The following UBR3 variants were observed in gnomAD, a reference collection of about 807,000 sequenced individuals.
UBR3 encodes ubiquitin protein ligase E3 component n-recognin 3.
Under a neutral mutation model 243.2 loss-of-function variants are expected in UBR3, and 85 were observed. The ratio of observed to expected loss-of-function variants is 0.35; its 90% CI spans 0.29 to 0.42. UBR3 has a LOEUF of 0.42. Ranked by LOEUF, UBR3 falls within the 10% of genes least tolerant of loss-of-function variation. UBR3 has a pLI of 1.00. For missense variants in UBR3, 1,686 were observed against 2,300.8 expected, an observed-to-expected ratio of 0.73 and a Z score of 5.47; for synonymous variants, 748 against 799.8, an observed-to-expected ratio of 0.94 and a Z score of 1.09.
chr2:169,881,233 G>T (rs1388432352), intron 5 of UBR3, among the ~76,000 whole-genome samples: 1 of 151,968 alleles, frequency 6.6e-6, no homozygotes, highest in African/African-American at 2.4e-5. Flanking sequence ...AGGCTGGAGT[G>T]CAGTGGCATG....
intron 11 of UBR3, among the ~76,000 whole-genome samples, chr2:169,922,179 A>C (rs1042114457): frequency 6.6e-6 from 1 of 151,350 alleles, no homozygotes; most frequent in Admixed American, 6.6e-5. Context: ...CCAGCTGCTC[A>C]GGGGGCCGAG....
intron 1 of UBR3, among the ~76,000 whole-genome samples, chr2:169,842,670 G>C (rs1222065952): frequency 6.6e-6 from 1 of 152,032 alleles, no homozygotes; most frequent in African/African-American, 2.4e-5. Context: ...TCACCGTGAA[G>C]GTCTGTAGCT....
At chr2:170,012,163 A>T (rs2090102908) in intron 29 of UBR3, among the ~76,000 whole-genome samples, 1 of 152,170 alleles carries the variant, frequency 6.6e-6, no homozygotes, top group Non-Finnish European at 1.5e-5. Flanking sequence ...ACGCTTGCTA[A>T]ATACCAAATT....
chr2:169,999,887 G>T (rs1389934601), intron 26 of UBR3, among the ~76,000 whole-genome samples: 1 of 152,184 alleles, frequency 6.6e-6, no homozygotes, highest in Non-Finnish European at 1.5e-5. Flanking sequence ...ACTTTGGGAG[G>T]CCGAGACGGG....
At chr2:170,061,022 A>T (rs2091445918) in intron 33 of UBR3, 57 bp from the exon 34 acceptor site, 1 of 1,151,356 alleles carries the variant, frequency 8.7e-7, no homozygotes, top group African/African-American at 1.6e-5. Flanking sequence ...ATTATTTCCA[A>T]TGTAAATTTT....
chr2:169,883,315 A>G (rs981803351), intron 5 of UBR3, among the ~76,000 whole-genome samples: 3 of 152,282 alleles, frequency 2.0e-5, no homozygotes, highest in South Asian at 4.2e-4. Flanking sequence ...TGGTTTCTCC[A>G]GCATGGTGGT....
At position 169,895,243 on chromosome 2, in the gene UBR3, A is replaced by G. The variant is rs763352667; in HGVS notation, c.1168A>G (p.Ile390Val). The G allele has an allele frequency of 6.5e-7, 1 of 1,546,320 alleles. No homozygotes were observed. Among genetic ancestry groups the G allele is most frequent in the African/African-American group, 1.4e-5 (1 of 72,668 alleles). Residue 390 changes from isoleucine to valine, a missense_variant, in exon 7 of 39, where the codon ATA becomes GTA. Around this residue, in one of 8 missense-constraint regions of UBR3, gnomAD observed 200 missense variants for 231.6 expected, o/e 0.86. Transcript: ENST00000272793. Reference sequence around the variant, plus strand: ...CCTAGAAGAACTATTATTTTGGACTATAAAATATGAATTCCCTCAAAAGAT... The same window carrying G: ...CCTAGAAGAACTATTATTTTGGACTGTAAAATATGAATTCCCTCAAAAGAT... ...SFLEELLFWTIKYEFPQKMVT... is the reference protein window; with the variant it reads ...SFLEELLFWTVKYEFPQKMVT...
rs2081782381 is a variant in UBR3, at chr2:169,827,593, C to T, written c.86C>T (p.Ala29Val). ...GCGCCGGGGCTGGCCCTAGACAAGG[C>T]GGCCACCGCCGCGCACCTCAAGGCG... ...LPAPGLALDKAATAAHLKAAL... is the reference protein window; with the variant it reads ...LPAPGLALDKVATAAHLKAAL... The change falls in exon 1 of 39, where the codon GCG becomes GTG. Residue 29 changes from alanine (A) to valine (V), a missense_variant. By Grantham distance (64) the Ala-to-Val change is moderately conservative. Transcript: ENST00000272793. 1 of 1,253,064 alleles carries T rather than the reference C, an allele frequency of 8.0e-7. No individual in the cohort carries two copies. Among genetic ancestry groups the T allele is most frequent in the Admixed American group, 3.9e-5 (1 of 25,480 alleles). The allele number at this position is 1,253,064 out of a possible 1,614,324, so 77.6% of individuals were successfully genotyped here. A position where few individuals can be genotyped will look rare whatever the true frequency, so the allele number is the denominator to read the frequency against.
chr2:170,026,943 C>CT (rs1453596992), intron 30 of UBR3, among the ~76,000 whole-genome samples: 1 of 151,748 alleles, frequency 6.6e-6, no homozygotes, highest in Non-Finnish European at 1.5e-5. Flanking sequence ...ACTGATAAGA[C>CT]TAAACTTTCA....
chr2:169,953,902 A>G (rs1393859967), intron 23 of UBR3, among the ~76,000 whole-genome samples: 1 of 152,222 alleles, frequency 6.6e-6, no homozygotes, highest in Non-Finnish European at 1.5e-5. Flanking sequence ...GTTGTTGCTC[A>G]TAGCATTTTT....
At chr2:169,852,733 C>T (rs1223283634) in intron 1 of UBR3, among the ~76,000 whole-genome samples, 3 of 150,346 alleles carry the variant, frequency 2.0e-5, no homozygotes, top group South Asian at 2.1e-4. Context: ...TGCCTGTAAT[C>T]CCAGCTATTC....
chr2:169,890,542 T>TATATATATATATATAC lies in UBR3; in HGVS notation c.1039-608_1039-607insCATATATATATATATA, dbSNP rs2084300024. On this transcript the variant is annotated intron_variant, in intron 5 of 38. Coordinates refer to ENST00000272793, the MANE Select transcript of UBR3 (RefSeq NM_172070.4). ...TTTTTCTAGGAGAGAGAGAGAGAGA[T>TATATATATATATATAC]ATATATATATATATATATATATGTG... Among the ~76,000 whole-genome samples, 464 of 61,926 alleles carry TATATATATATATATAC rather than the reference T, an allele frequency of 7.5e-3. 22 individuals carry two copies. The highest frequency in any genetic ancestry group is 0.03 in the African/African-American group (440 of 14,696). 40.6% of individuals were successfully genotyped at this position (61,926 alleles called of 152,430 possible).
chr2:169,971,773 A>G (rs1173845564), intron 24 of UBR3, among the ~76,000 whole-genome samples: 1 of 152,174 alleles, frequency 6.6e-6, no homozygotes, highest in East Asian at 1.9e-4. Flanking sequence ...CAGTGTGTAG[A>G]GGGAAATTTA....
intron 11 of UBR3, 24 bp from the exon 12 acceptor site, chr2:169,923,905 G>C (rs151124891): frequency 1.2e-5 from 19 of 1,523,334 alleles, no homozygotes; most frequent in Middle Eastern, 3.4e-4. Context: ...TCTTTGACTT[G>C]TGCATTTTGT....
At position 169,981,970 on chromosome 2, in the gene UBR3, C is replaced by A. The variant is rs534707727; in HGVS notation, c.3635-4675C>A. 3.9e-5 allele frequency among the ~76,000 whole-genome samples: 6 copies of A among 152,198 alleles called. No individual in the cohort carries two copies. In the East Asian group the frequency reaches 1.2e-3, roughly 29 times the overall value. Reference sequence around the variant, plus strand: ...CAGTGGGAGTTTTGCAGTATTGGCACTTATCTGAGGGAAGTCAGACTTCTT... The same window carrying A: ...CAGTGGGAGTTTTGCAGTATTGGCAATTATCTGAGGGAAGTCAGACTTCTT... On this transcript the variant is annotated intron_variant, in intron 24 of 38. Coordinates refer to ENST00000272793, the MANE Select transcript of UBR3 (RefSeq NM_172070.4).
At chr2:170,066,106 T>C (rs910076397) in intron 35 of UBR3, among the ~76,000 whole-genome samples, 3 of 152,192 alleles carry the variant, frequency 2.0e-5, no homozygotes, top group African/African-American at 7.2e-5. Context: ...AATTCAGTTA[T>C]TCTTTCTAAT....
intron 3 of UBR3, among the ~76,000 whole-genome samples, chr2:169,877,062 C>G (rs1255491871): frequency 6.6e-6 from 1 of 152,168 alleles, no homozygotes; most frequent in East Asian, 1.9e-4. Flanking sequence ...ATACGCCTTT[C>G]CCAAGCACTC....
At chr2:170,081,173 A>G (rs553632246) in intron 38 of UBR3, among the ~76,000 whole-genome samples, 9 of 152,182 alleles carry the variant, frequency 5.9e-5, no homozygotes, top group Non-Finnish European at 1.0e-4. Context: ...CCTGGGCAAC[A>G]GAGAAAGACT....
At chr2:169,958,234 A>G (rs1211555446) in intron 23 of UBR3, among the ~76,000 whole-genome samples, 2 of 152,226 alleles carry the variant, frequency 1.3e-5, no homozygotes, top group African/African-American at 4.8e-5. Context: ...TTTATCTATT[A>G]AACCAGTGAG....
Sources: gnomAD v4.1 joint callset for allele counts (sites outside exome capture counted in the v4.1 genomes callset) on GRCh38, gnomAD v4.1.1 for gene constraint, gnomAD v4.1.1 regional missense constraint, MANE v1.5 for transcripts, NCBI Gene and HGNC (gene_info 2026-07-23, HGNC 2026-07-21) for gene names.